The following DNAH9 variants were observed in gnomAD, a reference collection of about 807,000 sequenced individuals.
The protein encoded by DNAH9 is dynein axonemal heavy chain 9, also known as DNAH9 variant protein.
Under a neutral mutation model 471.6 loss-of-function variants are expected in DNAH9, and 345 were observed. That is an observed-to-expected ratio of 0.73 (90% CI 0.67 to 0.80). The LOEUF (loss-of-function observed/expected upper bound fraction) is 0.80, where lower values mean the gene tolerates loss of function less well. DNAH9 is among the 30% of genes least tolerant of loss of function. The pLI is 0.00. For synonymous variants in DNAH9, 2,093 were observed against 2,123.6 expected (o/e 0.99, Z 0.40); for missense variants, 5,407 against 5,609.2 (o/e 0.96, Z 1.15).
chr17:11,730,542 C>G (rs1161660856), intron 28 of DNAH9, among the ~76,000 whole-genome samples: 2 of 152,188 alleles, frequency 1.3e-5, no homozygotes, highest in African/African-American at 4.8e-5. Flanking sequence ...TGCCAGTGTT[C>G]AATGCTGTCT....
Position 11,784,442 on chromosome 17 carries a change from C to T in DNAH9, c.7964C>T (p.Ala2655Val). Residue 2655 changes from alanine (A) to valine (V), a missense_variant, in exon 41 of 69, where the codon GCC (alanine) becomes GTC (valine). By Grantham distance (64) the Ala-to-Val change is moderately conservative. This residue lies in a region of DNAH9 where 4,636 missense variants were observed against 4,900.3 expected (regional missense o/e 0.95). Coordinates refer to ENST00000262442, the MANE Select transcript of DNAH9 (RefSeq NM_001372.4). Reference sequence around the variant, plus strand: ...TCCATCCCCCCACTGATCGATCTGGCCCTCGCCTTCCACCAGAAAATTGCT... The same window carrying T: ...TCCATCCCCCCACTGATCGATCTGGTCCTCGCCTTCCACCAGAAAATTGCT... Reference protein sequence around the residue: ...QKSIPPLIDLALAFHQKIATT... With the variant: ...QKSIPPLIDLVLAFHQKIATT... The T allele has an allele frequency of 6.2e-7, 1 of 1,614,198 alleles. No individual in the cohort carries two copies. Among genetic ancestry groups the T allele is most frequent in the Non-Finnish European group, 8.5e-7 (1 of 1,180,034 alleles).
In DNAH9 at chr17:11,740,068, T is replaced by C. The variant is rs1257122862; in HGVS notation, c.5972+1031T>C. ...CGCTGGGGTGACGGGGCCTTCTCCT[T>C]CTTCAGCCAGGTCCCTGTGTTAAGC... On this transcript the variant is annotated intron_variant, in intron 29 of 68. Transcript: ENST00000262442. 2.6e-5 allele frequency among the ~76,000 whole-genome samples: 4 copies of C among 152,176 alleles called. No individual in the cohort carries two copies. The East Asian group carries it at 7.7e-4, about 29-fold the overall frequency.
chr17:11,962,064 AG>A lies in DNAH9; in HGVS notation c.13043del (p.Gly4348AlafsTer9). On this transcript the variant is annotated frameshift_variant, in exon 68 of 69. Coordinates refer to ENST00000262442, the MANE Select transcript of DNAH9 (RefSeq NM_001372.4). LOFTEE classifies it high-confidence loss of function. The surrounding 1 kb of genome is among the most constrained non-coding windows in gnomAD (Gnocchi z 4.1). ...CAATGCCCTCCACTGTGTGGCTGAC[AG>A]GCTTCTTCAACCCCCAGTCGTTCCT... ...FTMPSTVWLT[G>X]FFNPQSFLTA... is the part of the protein sequence containing the mutation. 1.2e-6 allele frequency: 2 copies of A among 1,614,180 alleles called. No individual in the cohort carries two copies. The highest frequency in any genetic ancestry group is 2.2e-5 in the South Asian group (2 of 91,084).
At chr17:11,846,455 C>CT (rs1338529819) in intron 49 of DNAH9, among the ~76,000 whole-genome samples, 7 of 151,466 alleles carry the variant, frequency 4.6e-5, no homozygotes, top group African/African-American at 1.7e-4. Flanking sequence ...CGGCTTTGTT[C>CT]TTTTGGCTTA....
intron 48 of DNAH9, among the ~76,000 whole-genome samples, chr17:11,824,892 C>G (rs111949851): frequency 5.4e-5 from 8 of 147,228 alleles, no homozygotes; most frequent in Non-Finnish European, 1.0e-4. Context: ...TCCTTCTCCT[C>G]CTCCTTCTCC....
chr17:11,937,984 C>T lies in DNAH9; in HGVS notation c.12660+462C>T, dbSNP rs1390835470. Among the ~76,000 whole-genome samples the T allele has an allele frequency of 2.6e-5, 4 of 152,198 alleles. No individual in the cohort carries two copies. Among genetic ancestry groups the T allele is most frequent in the African/African-American group, 7.2e-5 (3 of 41,446 alleles). ...GTCCTTCATAATGCAAACGCCTTCC[C>T]TTCGTGTGAATGGCTTCTAGTCCGA... On this transcript the variant is annotated intron_variant, in intron 66 of 68. Coordinates refer to ENST00000262442, the MANE Select transcript of DNAH9 (RefSeq NM_001372.4). This position sits in a 1 kb window ranked among gnomAD's most constrained non-coding sequence, Gnocchi z 4.1.
At chr17:11,808,424 C>A (rs1009773495) in intron 44 of DNAH9, among the ~76,000 whole-genome samples, 2 of 152,138 alleles carry the variant, frequency 1.3e-5, no homozygotes, top group African/African-American at 4.8e-5. Flanking sequence ...TTATCCATGG[C>A]CACAACAGTC....
chr17:11,904,309 G>C (rs1395776951), intron 60 of DNAH9, among the ~76,000 whole-genome samples: 1 of 152,132 alleles, frequency 6.6e-6, no homozygotes, highest in Non-Finnish European at 1.5e-5. Context: ...GACACAGCCA[G>C]GGGAAATGAG....
chr17:11,744,984 C>T lies in DNAH9; in HGVS notation c.6299C>T (p.Ala2100Val), dbSNP rs1330921449. The change falls in exon 31 of 69, where the codon GCC (alanine) becomes GTC (valine). Residue 2100 changes from alanine (A) to valine (V), a missense_variant. Physicochemically the swap from Ala to Val is moderately conservative, Grantham distance 64 (BLOSUM62 0). Around this residue, in one of 3 missense-constraint regions of DNAH9, gnomAD observed 4,636 missense variants for 4,900.3 expected, o/e 0.95. Transcript: ENST00000262442. ...GGCCTGATCGGGGACCTCTTTCCCG[C>T]CCTGGATGTCCCCCGGAGGAGAGAC... ...FMGLIGDLFPALDVPRRRDPN... is the reference protein window; with the variant it reads ...FMGLIGDLFPVLDVPRRRDPN... The T allele has an allele frequency of 2.5e-6, 4 of 1,614,012 alleles. No individual in the cohort carries two copies. In the South Asian group the frequency reaches 4.4e-5, roughly 18 times the overall value.
rs757425510 is a variant in DNAH9, at chr17:11,854,191, C to T, written c.9696C>T (p.Asn3232=). 3 of 1,614,182 alleles carry T rather than the reference C, an allele frequency of 1.9e-6. No individual in the cohort carries two copies. Among genetic ancestry groups the T allele is most frequent in the Non-Finnish European group, 2.5e-6 (3 of 1,180,050 alleles). Residue 3232 remains asparagine, a synonymous_variant, in exon 50 of 69, where the codon AAC becomes AAT. Coordinates refer to ENST00000262442, the MANE Select transcript of DNAH9 (RefSeq NM_001372.4). ...CGCTAATAAACTTCAACAAAGAGAACATTCACGAGAACTGCCTCAAAGCCA... is the reference window on the plus strand; with the variant it reads ...CGCTAATAAACTTCAACAAAGAGAATATTCACGAGAACTGCCTCAAAGCCA... ...LDSLINFNKE[N]IHENCLKAIR... is the part of the protein sequence containing the mutation.
At chr17:11,719,266 C>G (rs868579991) in intron 26 of DNAH9, 68 bp from the exon 27 acceptor site, 39 of 1,493,456 alleles carry the variant, frequency 2.6e-5, no homozygotes, top group Middle Eastern at 1.7e-4. Flanking sequence ...TCTCACATGG[C>G]CTTGAGCCTT....
intron 14 of DNAH9, among the ~76,000 whole-genome samples, chr17:11,659,364 C>T (rs1321080882): frequency 6.6e-6 from 1 of 152,170 alleles, no homozygotes; most frequent in Non-Finnish European, 1.5e-5. Context: ...AGTCTTGGAA[C>T]ATGTCCTGCT....
chr17:11,667,775 A>C (rs2073897903), intron 15 of DNAH9, among the ~76,000 whole-genome samples: 1 of 152,174 alleles, frequency 6.6e-6, no homozygotes, highest in East Asian at 1.9e-4. Flanking sequence ...ACAGAGAAGG[A>C]TCACCTGCAG....
Position 11,679,923 on chromosome 17 carries a change from G to A in DNAH9, c.3520G>A (p.Glu1174Lys), listed in dbSNP as rs758026445. 1 of 1,614,110 alleles carries A rather than the reference G, an allele frequency of 6.2e-7. No homozygotes were observed. The highest frequency in any genetic ancestry group is 2.2e-5 in the East Asian group (1 of 44,866). Residue 1174 changes from glutamate (E) to lysine (K), a missense_variant, in exon 18 of 69, where the codon GAA (glutamate) becomes AAA (lysine). Transcript: ENST00000262442. ...EMFEPLKQTIELLKTYEQELP... is the reference protein window; with the variant it reads ...EMFEPLKQTIKLLKTYEQELP... The stretch of plus-strand genomic sequence containing the variant: ...GTTTGAGCCCTTAAAGCAGACTATT[G>A]AATTGCTGAAGACCTATGAACAAGA...
chr17:11,737,344 G>A (rs1336578918), intron 28 of DNAH9, among the ~76,000 whole-genome samples: 3 of 39,418 alleles, frequency 7.6e-5, no homozygotes, highest in Non-Finnish European at 1.1e-4. Flanking sequence ...CCCTCCCACC[G>A]TTTCACACAC....
At chr17:11,792,443 T>C (rs1358651492) in intron 41 of DNAH9, among the ~76,000 whole-genome samples, 1 of 152,194 alleles carries the variant, frequency 6.6e-6, no homozygotes, top group Non-Finnish European at 1.5e-5. Context: ...AGCACAGACA[T>C]AGATGAGCTT....
At chr17:11,708,008 CACACACAGAGAGAGAGAG>C (rs2074750200) in intron 26 of DNAH9, among the ~76,000 whole-genome samples, 3 of 47,170 alleles carry the variant, frequency 6.4e-5, no homozygotes, top group South Asian at 7.2e-4. Context: ...CACACACACA[CACACACAGAGAGAGAGAG>C]AGAGAGAGAG....
rs145882440 is a variant in DNAH9 at position 11,610,982 on chromosome 17, G to A, written c.773+428G>A. Among the ~76,000 whole-genome samples the A allele has an allele frequency of 1.8e-3, 271 of 152,130 alleles. 4 individuals carry two copies. The East Asian group carries it at 0.032, about 18-fold the overall frequency. The stretch of plus-strand genomic sequence containing the variant: ...TGCAGAACAGCCTTTCCTGTGTTCC[G>A]GCTCATCACTCGCAGGGCTGGAAAG... On this transcript the variant is annotated intron_variant, in intron 3 of 68. Transcript: ENST00000262442.
At chr17:11,744,193 T>G (rs1597580730) in intron 30 of DNAH9, among the ~76,000 whole-genome samples, 1 of 152,204 alleles carries the variant, frequency 6.6e-6, no homozygotes, top group East Asian at 1.9e-4. Flanking sequence ...TAGAGGAGCT[T>G]GGGCTTCAAC....
Sources: allele counts gnomAD v4.1 joint callset (sites outside exome capture counted in the v4.1 genomes callset), GRCh38; gene constraint gnomAD v4.1.1; regional missense constraint gnomAD v4.1.1; non-coding constraint Gnocchi (gnomAD v3.1); transcripts MANE v1.5; gene names NCBI Gene and HGNC (gene_info 2026-07-23, HGNC 2026-07-21).